MAL: variants seen among roughly 807,000 people sequenced by gnomAD.
The protein encoded by MAL is myelin and lymphocyte protein.
Under a neutral mutation model 16.7 loss-of-function variants are expected in MAL, and 5 were observed. That is an observed-to-expected ratio of 0.30 (90% CI 0.16 to 0.63). MAL has a LOEUF of 0.63. Among genes scored for constraint, MAL ranks in the 30% least tolerant of loss-of-function variants. MAL has a pLI of 0.82. For synonymous variants in MAL, 96 were observed against 85.5 expected, an observed-to-expected ratio of 1.12 and a Z score of -0.67; for missense variants, 202 against 195.8, an observed-to-expected ratio of 1.03 and a Z score of -0.19.
At chr2:95,040,052 C>T (rs771130440) in intron 1 of MAL, among the ~76,000 whole-genome samples, 5 of 152,228 alleles carry the variant, frequency 3.3e-5, no homozygotes, top group Non-Finnish European at 2.9e-5. Context: ...TAACTTCATC[C>T]GGGCATCAAA....
At chr2:95,036,331 G>A (rs1354099255) in intron 1 of MAL, among the ~76,000 whole-genome samples, 3 of 152,170 alleles carry the variant, frequency 2.0e-5, no homozygotes, top group Admixed American at 2.0e-4. Context: ...GGCTCAGGTG[G>A]GGATCTTGTG....
rs1388788085 is a variant in MAL, at chr2:95,026,029, C to A, written c.93+144C>A. 7 of 668,146 alleles carry A rather than the reference C, an allele frequency of 1.0e-5. No homozygotes were observed. In the East Asian group the frequency reaches 1.8e-4, roughly 18 times the overall value. The allele number at this position is 668,146 out of a possible 1,614,324, so 41.4% of individuals were successfully genotyped here. A position where few individuals can be genotyped will look rare whatever the true frequency, so the allele number is the denominator to read the frequency against. On this transcript the variant is annotated intron_variant, in intron 1 of 3. Transcript: ENST00000309988. ...AGCAGGCGCAGGGCGGGGACTAAGC[C>A]AGGGAAGTCCCCTCCCACCTCCGGT... is the stretch of plus-strand genomic sequence containing the variant.
intron 1 of MAL, among the ~76,000 whole-genome samples, chr2:95,041,072 A>C (rs1674451851): frequency 6.6e-6 from 1 of 152,144 alleles, no homozygotes. Context: ...ACAGAGTGAA[A>C]TGGAGCCCCA....
chr2:95,026,906 G>A (rs1673955817), intron 1 of MAL, among the ~76,000 whole-genome samples: 1 of 152,166 alleles, frequency 6.6e-6, no homozygotes, highest in South Asian at 2.1e-4. Context: ...CCTGATTGGA[G>A]GGGGAGGGTG....
intron 1 of MAL, among the ~76,000 whole-genome samples, chr2:95,046,824 A>G (rs1031960079): frequency 6.6e-6 from 1 of 151,934 alleles, no homozygotes; most frequent in African/African-American, 2.4e-5. Flanking sequence ...ATAATGAGCA[A>G]GAGAAAGAAA....
Position 95,053,477 on chromosome 2 carries a change from G to A in MAL, c.*22G>A. The A allele has an allele frequency of 6.3e-7, 1 of 1,586,738 alleles. No individual in the cohort carries two copies. Among genetic ancestry groups the A allele is most frequent in the East Asian group, 2.2e-5 (1 of 44,736 alleles). ...ATAAAGCCGCAGTAGAACTTGAGCT[G>A]AAAACCCAGATGGTGTTAACTGGCC... On this transcript the variant is annotated 3_prime_UTR_variant, in exon 4 of 4. Coordinates refer to ENST00000309988, the MANE Select transcript of MAL (RefSeq NM_002371.4).
At chr2:95,039,928 G>A (rs982161187) in intron 1 of MAL, among the ~76,000 whole-genome samples, 20 of 152,128 alleles carry the variant, frequency 1.3e-4, no homozygotes, top group Non-Finnish European at 2.5e-4. Context: ...TTTTCTTAGG[G>A]GAAGAGCCGC....
chr2:95,044,954 G>A (rs1170952617), intron 1 of MAL, among the ~76,000 whole-genome samples: 1 of 152,256 alleles, frequency 6.6e-6, no homozygotes, highest in East Asian at 1.9e-4. Context: ...TGACTCTGCA[G>A]ACAGGAGCTG....
At chr2:95,032,637 C>A (rs1301746831) in intron 1 of MAL, among the ~76,000 whole-genome samples, 1 of 152,202 alleles carries the variant, frequency 6.6e-6, no homozygotes, top group Non-Finnish European at 1.5e-5. Context: ...CTTCTCACAG[C>A]TTTCAGATTG....
At chr2:95,041,612 A>G (rs1330761741) in intron 1 of MAL, among the ~76,000 whole-genome samples, 3 of 152,148 alleles carry the variant, frequency 2.0e-5, no homozygotes, top group Non-Finnish European at 2.9e-5. Context: ...GGGGACAGAG[A>G]GATTCAATAA....
chr2:95,048,187 C>T (rs1674634709), intron 2 of MAL, 61 bp downstream of exon 2: 22 of 1,495,010 alleles, frequency 1.5e-5, no homozygotes, highest in Non-Finnish European at 2.0e-5. Context: ...TGGTCCCTGG[C>T]CCAGTAGGAT....
At chr2:95,034,692 C>A (rs114873791) in intron 1 of MAL, among the ~76,000 whole-genome samples, 2 of 152,052 alleles carry the variant, frequency 1.3e-5, no homozygotes, top group Non-Finnish European at 2.9e-5. Context: ...AAGGAACCGC[C>A]GAGCTTATGG....
chr2:95,041,896 C>T (rs1445104825), intron 1 of MAL, among the ~76,000 whole-genome samples: 5 of 152,008 alleles, frequency 3.3e-5, no homozygotes, highest in African/African-American at 9.7e-5. Flanking sequence ...TTGTACATTA[C>T]CCCATGTTCT....
chr2:95,051,114 G>A (rs1674705329), intron 3 of MAL, among the ~76,000 whole-genome samples: 1 of 152,238 alleles, frequency 6.6e-6, no homozygotes, highest in Non-Finnish European at 1.5e-5. Context: ...CTAGGGGAAT[G>A]AACACCCCTT....
Position 95,053,594 on chromosome 2 carries a change from A to T in MAL, c.*139A>T. Reference sequence around the variant, plus strand: ...CCACCCCCCCACTGCCCAAAAAAAAAAGCCCTGCCCTGTTGCTCGTGGGTG... The same window carrying T: ...CCACCCCCCCACTGCCCAAAAAAAATAGCCCTGCCCTGTTGCTCGTGGGTG... On this transcript the variant is annotated 3_prime_UTR_variant, in exon 4 of 4. Coordinates refer to ENST00000309988, the MANE Select transcript of MAL (RefSeq NM_002371.4). The T allele has an allele frequency of 3.0e-6, 2 of 676,874 alleles. No individual in the cohort carries two copies. The highest frequency in any genetic ancestry group is 3.7e-5 in the South Asian group (2 of 53,556). 41.9% of individuals were successfully genotyped at this position (676,874 alleles called of 1,614,324 possible). A position where few individuals can be genotyped will look rare whatever the true frequency, so the allele number is the denominator to read the frequency against.
In MAL at chr2:95,030,206, A is replaced by T. The variant is rs1674044640; in HGVS notation, c.93+4321A>T. Among the ~76,000 whole-genome samples the T allele has an allele frequency of 3.3e-5, 5 of 152,302 alleles. No homozygotes were observed. In the South Asian group the frequency reaches 1.0e-3, roughly 32 times the overall value. On this transcript the variant is annotated intron_variant, in intron 1 of 3. Coordinates refer to ENST00000309988, the MANE Select transcript of MAL (RefSeq NM_002371.4). ...CTGAAAGCTGCAGAGTCCTCACAGGAAGAGGAAGGCAGGCCCAACTAGGAA... is the reference window on the plus strand; with the variant it reads ...CTGAAAGCTGCAGAGTCCTCACAGGTAGAGGAAGGCAGGCCCAACTAGGAA...
Position 95,025,790 on chromosome 2 carries a change from G to C in MAL, c.-3G>C. On this transcript the variant is annotated 5_prime_UTR_variant, in exon 1 of 4. Coordinates refer to ENST00000309988, the MANE Select transcript of MAL (RefSeq NM_002371.4). This position sits in a 1 kb window ranked among gnomAD's most constrained non-coding sequence, Gnocchi z 5.6. ...GTCCCAAGGCCGACGCCAGCACGCC[G>C]TCATGGCCCCCGCAGCGGCGACGGG... 1 of 1,544,720 alleles carries C rather than the reference G, an allele frequency of 6.5e-7. No homozygotes were observed. Among genetic ancestry groups the C allele is most frequent in the Non-Finnish European group, 8.7e-7 (1 of 1,144,934 alleles).
At chr2:95,049,526 C>T in intron 2 of MAL, 55 bp from the exon 3 acceptor site, 1 of 1,604,328 alleles carries the variant, frequency 6.2e-7, no homozygotes, top group East Asian at 2.2e-5. Context: ...CTCAGCTCTG[C>T]ATCTGGGCCC....
chr2:95,028,262 G>A (rs1673994651), intron 1 of MAL, among the ~76,000 whole-genome samples: 1 of 151,798 alleles, frequency 6.6e-6, no homozygotes, highest in Admixed American at 6.6e-5. Flanking sequence ...GGCAGAGGTT[G>A]CAGTAAGCCG....
Sources: gnomAD v4.1 joint callset for allele counts (sites outside exome capture counted in the v4.1 genomes callset) on GRCh38, gnomAD v4.1.1 for gene constraint, Gnocchi (gnomAD v3.1) non-coding constraint, MANE v1.5 for transcripts, NCBI Gene and HGNC (gene_info 2026-07-23, HGNC 2026-07-21) for gene names.